OSBPL7: variants seen among roughly 807,000 people sequenced by gnomAD.
OSBPL7 encodes oxysterol binding protein like 7.
A neutral mutation model predicts 115.8 loss-of-function variants in OSBPL7; 66 were observed. The ratio of observed to expected loss-of-function variants is 0.57; its 90% CI spans 0.47 to 0.70. OSBPL7 has a LOEUF of 0.70. OSBPL7 is among the 30% of genes least tolerant of loss of function. The pLI is 0.00. For synonymous variants in OSBPL7, 441 were observed against 439.2 expected, an observed-to-expected ratio of 1.00 and a Z score of -0.05; for missense variants, 902 against 1,125.5, an observed-to-expected ratio of 0.80 and a Z score of 2.84.
chr17:47,810,767 C>T lies in OSBPL7; in HGVS notation c.1801+5G>A. On this transcript the variant is annotated splice_donor_5th_base_variant and intron_variant, in intron 17 of 22. Transcript: ENST00000007414. Reference sequence around the variant, plus strand: ...GCCACCCCGGCCCTGCCCTCTACTCCTCACCTTGCCAGAAGGCGAAGTTCT... The same window carrying T: ...GCCACCCCGGCCCTGCCCTCTACTCTTCACCTTGCCAGAAGGCGAAGTTCT... 6.2e-7 allele frequency: 1 copy of T among 1,614,028 alleles called. No individual in the cohort carries two copies. Among genetic ancestry groups the T allele is most frequent in the Non-Finnish European group, 8.5e-7 (1 of 1,179,950 alleles).
At chr17:47,812,758 C>A (rs1365046660) in intron 16 of OSBPL7, among the ~76,000 whole-genome samples, 2 of 152,208 alleles carry the variant, frequency 1.3e-5, no homozygotes, top group Non-Finnish European at 2.9e-5. Context: ...CACACACCAC[C>A]CGGGTGTGCT....
At chr17:47,815,384 C>CG in intron 12 of OSBPL7, 32 bp from the exon 13 acceptor site, 1 of 1,611,452 alleles carries the variant, frequency 6.2e-7, no homozygotes. Flanking sequence ...TGTCAGGCTC[C>CG]GGGGCCAAGC....
chr17:47,820,259 TCCC>T lies in OSBPL7; in HGVS notation c.17_19del (p.Arg6_Asp7delinsAsn). The stretch of plus-strand genomic sequence containing the variant: ...AGCGCTCTCAGGCAGGAAGGGCGGG[TCCC>T]TCTCTTGGAAGTCCATGGAGAAGGG... On this transcript the variant is annotated inframe_deletion, in exon 2 of 23. Transcript: ENST00000007414. 1 of 1,613,570 alleles carries T rather than the reference TCCC, an allele frequency of 6.2e-7. No homozygotes were observed. Among genetic ancestry groups the T allele is most frequent in the Non-Finnish European group, 8.5e-7 (1 of 1,179,860 alleles).
chr17:47,812,976 G>A (rs2033089209), intron 16 of OSBPL7, among the ~76,000 whole-genome samples: 1 of 152,132 alleles, frequency 6.6e-6, no homozygotes, highest in Non-Finnish European at 1.5e-5. Context: ...CCATCTAGAA[G>A]GAACATCCCA....
intron 16 of OSBPL7, among the ~76,000 whole-genome samples, chr17:47,811,700 G>C (rs1029586199): frequency 1.3e-5 from 2 of 152,316 alleles, no homozygotes; most frequent in Non-Finnish European, 2.9e-5. Context: ...GGTCAGGGGG[G>C]CGATTCCTTC....
chr17:47,816,872 C>A lies in OSBPL7; in HGVS notation c.703G>T (p.Ala235Ser). 1 of 1,613,886 alleles carries A rather than the reference C, an allele frequency of 6.2e-7. No individual in the cohort carries two copies. The highest frequency in any genetic ancestry group is 8.5e-7 in the Non-Finnish European group (1 of 1,180,028). ...TTGGGTCTTTCGGTTGTCACTGAGG[C>A]CTGGCAAGTCAAGGTGGGGGCAATT... ...PSAPVIPTHQ[A>S]SVTTERPKKG... is the part of the protein sequence containing the mutation. Residue 235 changes from alanine to serine, a missense_variant and splice_region_variant, in exon 9 of 23, where the codon GCC becomes TCC. Ala to Ser is a moderately conservative substitution (Grantham distance 99). Around this residue, in one of 3 missense-constraint regions of OSBPL7, gnomAD observed 667 missense variants for 788.7 expected, o/e 0.85. Transcript: ENST00000007414. This position sits in a 1 kb window ranked among gnomAD's most constrained non-coding sequence, Gnocchi z 5.8.
chr17:47,813,929 A>G (rs935148741), intron 14 of OSBPL7, 95 bp from the exon 15 acceptor site: 2 of 1,442,750 alleles, frequency 1.4e-6, no homozygotes, highest in South Asian at 1.4e-5. Context: ...CTGCCTCCCA[A>G]GCCCCTGGGA....
intron 3 of OSBPL7, 46 bp downstream of exon 3, chr17:47,819,925 A>G (rs767715333): frequency 1.5e-5 from 5 of 338,246 alleles, no homozygotes; most frequent in Admixed American, 1.2e-4. Context: ...CCCCATTCCC[A>G]CCCCGCCCCC....
chr17:47,814,096 C>T (rs539848884), intron 14 of OSBPL7, among the ~76,000 whole-genome samples: 31 of 152,342 alleles, frequency 2.0e-4, no homozygotes, highest in African/African-American at 7.0e-4. Flanking sequence ...ACCCCAGGAG[C>T]CCCTCCCGAG....
At position 47,816,510 on chromosome 17, in the gene OSBPL7, G is replaced by A; in HGVS notation, c.929-28C>T. ...ACAGGGAGTGGGGCAGACCATCAGAGTCCTCGCTCGCTCCTGTCCGCTCCC... is the reference window on the plus strand; with the variant it reads ...ACAGGGAGTGGGGCAGACCATCAGAATCCTCGCTCGCTCCTGTCCGCTCCC... On this transcript the variant is annotated intron_variant, in intron 10 of 22. Transcript: ENST00000007414. The surrounding 1 kb of genome is among the most constrained non-coding windows in gnomAD (Gnocchi z 5.8). The A allele has an allele frequency of 6.4e-7, 1 of 1,562,198 alleles. No individual in the cohort carries two copies. Among genetic ancestry groups the A allele is most frequent in the South Asian group, 1.2e-5 (1 of 84,370 alleles).
intron 7 of OSBPL7, 31 bp downstream of exon 7, chr17:47,818,225 GCTTGGGGCCTACC>G (rs751650117): frequency 6.4e-7 from 1 of 1,551,542 alleles, no homozygotes; most frequent in Non-Finnish European, 8.8e-7. Flanking sequence ...AGACCTGCCA[GCTTGGGGCCTACC>G]CTTGGAGGTG....
chr17:47,813,733 T>TG lies in OSBPL7; in HGVS notation c.1452dup (p.Asn485GlnfsTer83), dbSNP rs1567941293. The TG allele has an allele frequency of 6.2e-7, 1 of 1,613,426 alleles. No individual in the cohort carries two copies. On this transcript the variant is annotated frameshift_variant, in exon 15 of 23. Transcript: ENST00000007414. LOFTEE classifies it high-confidence loss of function. The stretch of plus-strand genomic sequence containing the variant: ...TTGGACAGGTCTTTGCCGATGTTGT[T>TG]GCGCAGAATGTTCCACAGGCTCACG...
Position 47,820,192 on chromosome 17 carries a change from C to G in OSBPL7, c.75+12G>C. On this transcript the variant is annotated intron_variant, in intron 2 of 22. Coordinates refer to ENST00000007414, the MANE Select transcript of OSBPL7 (RefSeq NM_145798.3). ...GCTTGGCCCACCCACCACCGCTTTC[C>G]CACTCTCTGACCTGCTGAGCACTGC... is the stretch of plus-strand genomic sequence containing the variant. 1.9e-6 allele frequency: 3 copies of G among 1,613,918 alleles called. No individual in the cohort carries two copies. The highest frequency in any genetic ancestry group is 1.7e-6 in the Non-Finnish European group (2 of 1,179,936).
chr17:47,818,389 G>C lies in OSBPL7; in HGVS notation c.481-3C>G, dbSNP rs1169190103. The C allele has an allele frequency of 6.2e-7, 1 of 1,613,036 alleles. No individual in the cohort carries two copies. On this transcript the variant is annotated splice_polypyrimidine_tract_variant and splice_region_variant and intron_variant, in intron 6 of 22. Coordinates refer to ENST00000007414, the MANE Select transcript of OSBPL7 (RefSeq NM_145798.3). ...GTTGGAAGCTGGGCACCAGGAACCT[G>C]TGGGGTGAGCCCAGGGTCAGGAAGG...
chr17:47,815,963 C>T (rs2033200897), intron 12 of OSBPL7, 144 bp downstream of exon 12: 2 of 648,172 alleles, frequency 3.1e-6, no homozygotes, highest in South Asian at 2.0e-5. Context: ...CTGCCGCTTA[C>T]CTTATGGGAA....
chr17:47,808,445 C>A lies in OSBPL7; in HGVS notation c.2421-46G>T, dbSNP rs2032926401. On this transcript the variant is annotated intron_variant, in intron 22 of 22. Coordinates refer to ENST00000007414, the MANE Select transcript of OSBPL7 (RefSeq NM_145798.3). This position sits in a 1 kb window ranked among gnomAD's most constrained non-coding sequence, Gnocchi z 6.1. ...CAGTGAGGGGTGAACATCTAGAAGG[C>A]AGGCTAGGGTCCTAAGGTGCTGCCT... 2.5e-6 allele frequency: 4 copies of A among 1,613,638 alleles called. No homozygotes were observed. The highest frequency in any genetic ancestry group is 3.4e-6 in the Non-Finnish European group (4 of 1,179,666).
intron 4 of OSBPL7, 115 bp from the exon 5 acceptor site, chr17:47,819,214 C>G (rs2033323222): frequency 1.3e-6 from 1 of 780,026 alleles, no homozygotes; most frequent in African/African-American, 1.7e-5. Flanking sequence ...CAGGTTCACC[C>G]TCATGTCCAA....
At chr17:47,812,929 C>G (rs961149751) in intron 16 of OSBPL7, among the ~76,000 whole-genome samples, 3 of 152,324 alleles carry the variant, frequency 2.0e-5, no homozygotes, top group Middle Eastern at 3.4e-3. Context: ...AGCCCCATCT[C>G]TAACCTTCCC....
At chr17:47,815,481 T>C (rs2033185113) in intron 12 of OSBPL7, 129 bp from the exon 13 acceptor site, 5 of 1,231,752 alleles carry the variant, frequency 4.1e-6, no homozygotes, top group Non-Finnish European at 5.6e-6. Context: ...TCAGACACCT[T>C]CTGAGCAGAA....
Sources: allele counts gnomAD v4.1 joint callset (sites outside exome capture counted in the v4.1 genomes callset), GRCh38; gene constraint gnomAD v4.1.1; regional missense constraint gnomAD v4.1.1; non-coding constraint Gnocchi (gnomAD v3.1); transcripts MANE v1.5; gene names NCBI Gene and HGNC (gene_info 2026-07-23, HGNC 2026-07-21).